ZNF333: variants seen among roughly 807,000 people sequenced by gnomAD.
ZNF333 encodes the protein zinc finger protein 333.
In ZNF333, 61 loss-of-function variants were observed where a neutral mutation model predicts 76.1. That is an observed-to-expected ratio of 0.80 (90% CI 0.65 to 0.99). The LOEUF (loss-of-function observed/expected upper bound fraction) is 0.99, where lower values mean the gene tolerates loss of function less well. Among genes scored for constraint, ZNF333 ranks in the 50% least tolerant of loss-of-function variants. The pLI is 0.00. For synonymous variants in ZNF333, 284 were observed against 305.0 expected, an observed-to-expected ratio of 0.93 and a Z score of 0.72; for missense variants, 717 against 822.4, an observed-to-expected ratio of 0.87 and a Z score of 1.57.
intron 11 of ZNF333, 48 bp downstream of exon 11, chr19:14,717,781 C>A: frequency 6.4e-7 from 1 of 1,568,448 alleles, no homozygotes; most frequent in Non-Finnish European, 8.8e-7. Flanking sequence ...TAGGATGAGT[C>A]TGGGGTTAAC....
At chr19:14,702,013 C>T (rs1400819718) in intron 5 of ZNF333, 7 of 580,900 alleles carry the variant, frequency 1.2e-5, no homozygotes, top group Non-Finnish European at 1.5e-5. Flanking sequence ...GGTGCTGACC[C>T]TTTAGGTAGC....
At chr19:14,696,919 A>T (rs1041576747) in intron 4 of ZNF333, among the ~76,000 whole-genome samples, 4 of 151,842 alleles carry the variant, frequency 2.6e-5, no homozygotes, top group Admixed American at 6.6e-5. Flanking sequence ...TTGTATTTTT[A>T]GTAGAGATGG....
At chr19:14,722,021 A>G (rs1025008428), downstream of ZNF333, 1 of 152,240 alleles carries the variant, frequency 6.6e-6, no homozygotes, top group African/African-American at 2.4e-5. Context: ...AATGTGGTTG[A>G]AACCATTTAC....
chr19:14,707,571 A>C (rs1599725097), intron 7 of ZNF333, among the ~76,000 whole-genome samples: 1 of 53,356 alleles, frequency 1.9e-5, no homozygotes, highest in Non-Finnish European at 3.1e-5. Context: ...TTTTTTTTTG[A>C]GACGGAGTCT....
At chr19:14,716,605 G>C (rs1325550468) in intron 9 of ZNF333, among the ~76,000 whole-genome samples, 1 of 152,106 alleles carries the variant, frequency 6.6e-6, no homozygotes, top group African/African-American at 2.4e-5. Flanking sequence ...ATAAGCTCTA[G>C]AAATTGTGCA....
chr19:14,719,167 G>A lies in ZNF333; in HGVS notation c.1840G>A (p.Ala614Thr). The change falls in exon 12 of 12, where the codon GCC (alanine) becomes ACC (threonine). Residue 614 changes from alanine to threonine, a missense_variant. Coordinates refer to ENST00000292530, the MANE Select transcript of ZNF333 (RefSeq NM_032433.4). The stretch of plus-strand genomic sequence containing the variant: ...TATTGTACATGTGAGAACACACAGT[G>A]CCGGGAGACCCTATCAATGTAATCA... ...HLIVHVRTHS[A>T]GRPYQCNQCE... The A allele has an allele frequency of 6.2e-7, 1 of 1,614,192 alleles. No homozygotes were observed. The highest frequency in any genetic ancestry group is 8.5e-7 in the Non-Finnish European group (1 of 1,180,038).
intron 8 of ZNF333, among the ~76,000 whole-genome samples, chr19:14,715,798 G>C (rs769787738): frequency 2.6e-5 from 4 of 152,202 alleles, no homozygotes; most frequent in Non-Finnish European, 4.4e-5. Context: ...AGGTCTGCTG[G>C]ACCCTGGAGC....
intron 4 of ZNF333, among the ~76,000 whole-genome samples, chr19:14,697,357 CTTTTTTTTTTTTT>C (rs139125023): frequency 3.3e-5 from 3 of 90,828 alleles, no homozygotes; most frequent in Non-Finnish European, 6.6e-5. Context: ...TTTTTCTTTT[CTTTTTTTTTTTTT>C]TTTTTTTTTG....
At position 14,721,644 on chromosome 19, in the gene ZNF333, A is replaced by G. The variant is rs958945754; in HGVS notation, c.*2319A>G. ...GTGTAATAGTCCATAGTCTGAATAT[A>G]CCACAATTTAAAAATTCTATTCTGT... On this transcript the variant is annotated 3_prime_UTR_variant, in exon 12 of 12. Transcript: ENST00000292530. 2 of 152,224 alleles carry G rather than the reference A, an allele frequency of 1.3e-5. No homozygotes were observed. The highest frequency in any genetic ancestry group is 3.8e-4 in the East Asian group (2 of 5,204). The allele number at this position is 152,224 out of a possible 1,614,324, so 9.4% of individuals were successfully genotyped here. A position where few individuals can be genotyped will look rare whatever the true frequency, so the allele number is the denominator to read the frequency against.
At chr19:14,706,889 C>A in intron 7 of ZNF333, 116 bp downstream of exon 7, 2 of 826,310 alleles carry the variant, frequency 2.4e-6, no homozygotes, top group Non-Finnish European at 1.9e-6. Context: ...ACTGCCGTGG[C>A]ACCATAGAGA....
At position 14,717,721 on chromosome 19, in the gene ZNF333, T is replaced by G. The variant is rs1190005830; in HGVS notation, c.888T>G (p.Ile296Met). The G allele has an allele frequency of 6.2e-7, 1 of 1,613,958 alleles. No individual in the cohort carries two copies. The highest frequency in any genetic ancestry group is 8.5e-7 in the Non-Finnish European group (1 of 1,179,890). The change falls in exon 11 of 12, where the codon ATT becomes ATG. Residue 296 changes from isoleucine to methionine, a missense_variant. Transcript: ENST00000292530. Reference protein sequence around the residue: ...SQDTFTEILSIDVKGEQPQPG... With the variant: ...SQDTFTEILSMDVKGEQPQPG... ...ATACTTTTACAGAGATCCTGTCCAT[T>G]GATGTGAAAGGGGTAAGGCTCACCA...
At chr19:14,699,475 T>G in intron 5 of ZNF333, 194 bp downstream of exon 5, 1 of 523,600 alleles carries the variant, frequency 1.9e-6, no homozygotes. Context: ...CTTTTTTTTT[T>G]TTTGAGACAG....
intron 4 of ZNF333, among the ~76,000 whole-genome samples, chr19:14,698,373 CAAAAAAAA>C (rs35567352): frequency 7.4e-5 from 5 of 67,460 alleles, no homozygotes; most frequent in African/African-American, 3.1e-4. Flanking sequence ...GACTCCGTCT[CAAAAAAAA>C]AAAAAAAAAA....
rs140135561 is a variant in ZNF333 at position 14,719,113 on chromosome 19, G to C, written c.1786G>C (p.Gly596Arg). 7.4e-6 allele frequency: 12 copies of C among 1,614,194 alleles called. No homozygotes were observed. Among genetic ancestry groups the C allele is most frequent in the Non-Finnish European group, 1.0e-5 (12 of 1,180,016 alleles). The change falls in exon 12 of 12, where the codon GGG becomes CGG. Residue 596 changes from glycine to arginine, a missense_variant. Coordinates refer to ENST00000292530, the MANE Select transcript of ZNF333 (RefSeq NM_032433.4). ...GAAGCCCTATGCATGCCAGGAATGC[G>C]GGCGAGCCTTTGGTCAGTCTTCACA... ...GKKPYACQEC[G>R]RAFGQSSHLI...
chr19:14,696,882 G>A (rs914003693), intron 4 of ZNF333, among the ~76,000 whole-genome samples: 3 of 151,934 alleles, frequency 2.0e-5, no homozygotes, highest in Non-Finnish European at 1.5e-5. Flanking sequence ...GGGACTACAG[G>A]TGCACACCAC....
At chr19:14,701,257 T>TA (rs1186963105) in intron 5 of ZNF333, among the ~76,000 whole-genome samples, 21 of 152,154 alleles carry the variant, frequency 1.4e-4, no homozygotes, top group African/African-American at 5.1e-4. Flanking sequence ...TTTAAATAGA[T>TA]ATGGGGTCTT....
At chr19:14,713,799 A>G (rs1172624173) in intron 7 of ZNF333, among the ~76,000 whole-genome samples, 8 of 152,084 alleles carry the variant, frequency 5.3e-5, no homozygotes, top group Non-Finnish European at 1.2e-4. Flanking sequence ...TCTCTAAAAA[A>G]ATAAAAAAAA....
At chr19:14,717,536 G>T (rs144640107) in intron 10 of ZNF333, 121 bp from the exon 11 acceptor site, 14 of 778,116 alleles carry the variant, frequency 1.8e-5, no homozygotes, top group Non-Finnish European at 3.0e-5. Flanking sequence ...ATTTCTTCCC[G>T]TACATAGGAC....
At chr19:14,703,849 A>C (rs1269780640) in intron 5 of ZNF333, among the ~76,000 whole-genome samples, 1 of 152,148 alleles carries the variant, frequency 6.6e-6, no homozygotes, top group Non-Finnish European at 1.5e-5. Context: ...TTGGAGATGA[A>C]GTTGGCAGGC....
Sources: allele counts gnomAD v4.1 joint callset (sites outside exome capture counted in the v4.1 genomes callset), GRCh38; gene constraint gnomAD v4.1.1; transcripts MANE v1.5; gene names NCBI Gene and HGNC (gene_info 2026-07-23, HGNC 2026-07-21).